The following AGAP1 variants were observed in gnomAD, a reference collection of about 807,000 sequenced individuals.
The protein encoded by AGAP1 is ArfGAP with GTPase domain, ankyrin repeat and PH domain 1, also known as arf-GAP with GTPase, ANK repeat and PH domain-containing protein 1.
In AGAP1, 29 loss-of-function variants were observed where a neutral mutation model predicts 105.3. That is an observed-to-expected ratio of 0.28 (90% confidence interval 0.21 to 0.38). The LOEUF (loss-of-function observed/expected upper bound fraction) is 0.38, where lower values mean the gene tolerates loss of function less well. Among genes scored for constraint, AGAP1 ranks in the 10% least tolerant of loss-of-function variants. The probability of loss-of-function intolerance (pLI) is 1.00; values close to 1 mark genes in which losing one functional copy is unlikely to be tolerated. For synonymous variants in AGAP1, 509 were observed against 485.9 expected (o/e 1.05, Z -0.63); for missense variants, 998 against 1,165.1 (o/e 0.86, Z 2.09).
At position 235,842,762 on chromosome 2, in the gene AGAP1, CT is replaced by C. The variant is rs1226548772; in HGVS notation, c.1050+35432del. Among the ~76,000 whole-genome samples the C allele has an allele frequency of 2.0e-5, 3 of 152,068 alleles. No individual in the cohort carries two copies. Among genetic ancestry groups the C allele is most frequent in the Non-Finnish European group, 4.4e-5 (3 of 68,008 alleles). On this transcript the variant is annotated intron_variant, in intron 9 of 17. Coordinates refer to ENST00000304032, the MANE Select transcript of AGAP1 (RefSeq NM_001037131.3). This position sits in a 1 kb window ranked among gnomAD's most constrained non-coding sequence, Gnocchi z 5.3. ...TGTTTTTTTGAGATGGAGTCTCACTCTGTCACCCAGGCCCGAGTGCAGTGGC... is the reference window on the plus strand; with the variant it reads ...TGTTTTTTTGAGATGGAGTCTCACTCGTCACCCAGGCCCGAGTGCAGTGGC...
rs182530916 is a variant in AGAP1, at chr2:235,698,801, C to T, written c.164-10378C>T. On this transcript the variant is annotated intron_variant, in intron 1 of 17. Coordinates refer to ENST00000304032, the MANE Select transcript of AGAP1 (RefSeq NM_001037131.3). ...TGTTATTGTAGCAGCTTGATGGTTGCATAATTATTCATCATACCTATCACA... is the reference window on the plus strand; with the variant it reads ...TGTTATTGTAGCAGCTTGATGGTTGTATAATTATTCATCATACCTATCACA... Among the ~76,000 whole-genome samples the T allele has an allele frequency of 2.2e-3, 335 of 152,326 alleles. 4 individuals carry two copies. The highest frequency in any genetic ancestry group is 7.5e-3 in the African/African-American group (313 of 41,584).
chr2:235,630,895 T>C (rs948272039), intron 1 of AGAP1, among the ~76,000 whole-genome samples: 1 of 152,208 alleles, frequency 6.6e-6, no homozygotes, highest in Non-Finnish European at 1.5e-5. Context: ...GTTGCGGGTC[T>C]GCATAATGTA....
rs35303117 is a variant in AGAP1 at position 236,061,881 on chromosome 2, G to GAAA, written c.2114+12612_2114+12614dup. Among the ~76,000 whole-genome samples the GAAA allele has an allele frequency of 2.5e-5, 3 of 121,370 alleles. No homozygotes were observed. Among genetic ancestry groups the GAAA allele is most frequent in the East Asian group, 2.3e-4 (1 of 4,332 alleles). 79.6% of individuals were successfully genotyped at this position (121,370 alleles called of 152,430 possible). A position where few individuals can be genotyped will look rare whatever the true frequency, so the allele number is the denominator to read the frequency against. Reference sequence around the variant, plus strand: ...ATGGTATATAAATTATGTCAATTTTGAAAAAAAAAAAAAAGGAATTTCCAA... The same window carrying GAAA: ...ATGGTATATAAATTATGTCAATTTTGAAAAAAAAAAAAAAAAAGGAATTTCCAA... On this transcript the variant is annotated intron_variant, in intron 16 of 17. Transcript: ENST00000304032. The surrounding 1 kb of genome is among the most constrained non-coding windows in gnomAD (Gnocchi z 4.1).
rs370960058 is a variant in AGAP1 at position 235,497,383 on chromosome 2, C to T, written c.163+2534C>T. On this transcript the variant is annotated intron_variant, in intron 1 of 17. Transcript: ENST00000304032. The stretch of plus-strand genomic sequence containing the variant: ...GGGCAGAGAGCTGCCCCTGCCTGTG[C>T]GTGCACCTTGGAGGTTTTAAAGTCT... Among the ~76,000 whole-genome samples the T allele has an allele frequency of 9.2e-5, 14 of 152,322 alleles. No homozygotes were observed. The East Asian group carries it at 1.6e-3, about 17-fold the overall frequency.
chr2:235,845,900 G>C lies in AGAP1; in HGVS notation c.1051-37445G>C, dbSNP rs945797001. ...CCTTCAGTCTGTAGCCCTCAGATAT[G>C]CCCTCCTTCCTGCACCCCCAGAGTG... On this transcript the variant is annotated intron_variant, in intron 9 of 17. Coordinates refer to ENST00000304032, the MANE Select transcript of AGAP1 (RefSeq NM_001037131.3). This position sits in a 1 kb window ranked among gnomAD's most constrained non-coding sequence, Gnocchi z 4.8. Among the ~76,000 whole-genome samples, 1 of 151,906 alleles carries C rather than the reference G, an allele frequency of 6.6e-6. No homozygotes were observed. Among genetic ancestry groups the C allele is most frequent in the Non-Finnish European group, 1.5e-5 (1 of 67,996 alleles).
Position 235,751,491 on chromosome 2 carries a change from C to T in AGAP1, c.673+1003C>T, listed in dbSNP as rs998274314. On this transcript the variant is annotated intron_variant, in intron 6 of 17. Coordinates refer to ENST00000304032, the MANE Select transcript of AGAP1 (RefSeq NM_001037131.3). This position sits in a 1 kb window ranked among gnomAD's most constrained non-coding sequence, Gnocchi z 5.3. ...CTTCAAGGTGATGGAGGACTCGCCGCGCTCTGACCTTGAAGACCCACGGTG... is the reference window on the plus strand; with the variant it reads ...CTTCAAGGTGATGGAGGACTCGCCGTGCTCTGACCTTGAAGACCCACGGTG... Among the ~76,000 whole-genome samples, 24 of 152,162 alleles carry T rather than the reference C, an allele frequency of 1.6e-4. No individual in the cohort carries two copies. Among genetic ancestry groups the T allele is most frequent in the African/African-American group, 3.9e-4 (16 of 41,426 alleles).
chr2:235,646,622 T>G (rs1007960100), intron 1 of AGAP1, among the ~76,000 whole-genome samples: 2 of 152,216 alleles, frequency 1.3e-5, no homozygotes, highest in Non-Finnish European at 2.9e-5. Context: ...CTTCTCTCCC[T>G]TGGGCCCCCG....
At chr2:235,780,870 G>C (rs1328459073) in intron 6 of AGAP1, among the ~76,000 whole-genome samples, 2 of 152,146 alleles carry the variant, frequency 1.3e-5, no homozygotes, top group African/African-American at 4.8e-5. Context: ...CTGCTGTGTA[G>C]CCTCTTCAAG....
At position 235,855,299 on chromosome 2, in the gene AGAP1, C is replaced by T. The variant is rs1309596697; in HGVS notation, c.1051-28046C>T. 6.6e-6 allele frequency among the ~76,000 whole-genome samples: 1 copy of T among 152,144 alleles called. No individual in the cohort carries two copies. The highest frequency in any genetic ancestry group is 2.4e-5 in the African/African-American group (1 of 41,422). On this transcript the variant is annotated intron_variant, in intron 9 of 17. Transcript: ENST00000304032. The surrounding 1 kb of genome is among the most constrained non-coding windows in gnomAD (Gnocchi z 5.0). ...CCTGGAAAATGGTTACTTTGATTTT[C>T]CAGGGAGTGAGTAGTGTGACAGGCA...
rs943475451 is a variant in AGAP1 at position 235,557,836 on chromosome 2, C to A, written c.163+62987C>A. Among the ~76,000 whole-genome samples the A allele has an allele frequency of 6.6e-6, 1 of 152,184 alleles. No individual in the cohort carries two copies. The highest frequency in any genetic ancestry group is 2.4e-5 in the African/African-American group (1 of 41,434). ...CATTTCGACAAGGGGAAGTTAGACA[C>A]TTTAGATTCACAGTTAACTGTTGAT... On this transcript the variant is annotated intron_variant, in intron 1 of 17. Transcript: ENST00000304032. This position sits in a 1 kb window ranked among gnomAD's most constrained non-coding sequence, Gnocchi z 4.7.
chr2:235,702,058 C>A (rs1347677339), intron 1 of AGAP1, among the ~76,000 whole-genome samples: 1 of 152,134 alleles, frequency 6.6e-6, no homozygotes, highest in Non-Finnish European at 1.5e-5. Flanking sequence ...CCTGCAATTT[C>A]AGGTTCCTTT....
At chr2:235,656,863 T>TA (rs1947790333) in intron 1 of AGAP1, among the ~76,000 whole-genome samples, 1 of 152,214 alleles carries the variant, frequency 6.6e-6, no homozygotes, top group African/African-American at 2.4e-5. Context: ...TCCTTTAACA[T>TA]AACAGAAAGG....
chr2:235,607,193 C>CG (rs1553580378), intron 1 of AGAP1, among the ~76,000 whole-genome samples: 3 of 152,032 alleles, frequency 2.0e-5, no homozygotes, highest in African/African-American at 4.8e-5. Context: ...AGAGCCCCCC[C>CG]TTCCCTGCCC....
At chr2:235,880,907 A>C (rs1260585927) in intron 9 of AGAP1, among the ~76,000 whole-genome samples, 1 of 152,196 alleles carries the variant, frequency 6.6e-6, no homozygotes, top group Non-Finnish European at 1.5e-5. Context: ...CCATGCAAGG[A>C]AGCCCTTATT....
chr2:235,705,231 G>A lies in AGAP1; in HGVS notation c.164-3948G>A, dbSNP rs957068890. 3.3e-5 allele frequency among the ~76,000 whole-genome samples: 5 copies of A among 151,760 alleles called. No homozygotes were observed. Among genetic ancestry groups the A allele is most frequent in the African/African-American group, 1.2e-4 (5 of 41,302 alleles). ...TGACCTCAGGTGATCTGCGCGCCTC[G>A]GCCTCCTAAAGTGTTGGGATTACAG... On this transcript the variant is annotated intron_variant, in intron 1 of 17. Transcript: ENST00000304032. The surrounding 1 kb of genome is among the most constrained non-coding windows in gnomAD (Gnocchi z 4.9).
rs1949655776 is a variant in AGAP1 at position 235,689,859 on chromosome 2, C to T, written c.164-19320C>T. 3.3e-5 allele frequency among the ~76,000 whole-genome samples: 5 copies of T among 152,234 alleles called. No individual in the cohort carries two copies. Among genetic ancestry groups the T allele is most frequent in the Admixed American group, 3.3e-4 (5 of 15,288 alleles). On this transcript the variant is annotated intron_variant, in intron 1 of 17. Coordinates refer to ENST00000304032, the MANE Select transcript of AGAP1 (RefSeq NM_001037131.3). The surrounding 1 kb of genome is among the most constrained non-coding windows in gnomAD (Gnocchi z 4.2). The stretch of plus-strand genomic sequence containing the variant: ...GAGCATCTGGGGTGGTGTCCTACAC[C>T]TCCTTTCCAGGAGTTTCTGTGTGCA...
intron 11 of AGAP1, among the ~76,000 whole-genome samples, chr2:235,925,305 T>G (rs921042486): frequency 5.8e-4 from 88 of 152,212 alleles, no homozygotes; most frequent in Non-Finnish European, 9.8e-4. Context: ...AAAGAACATT[T>G]CCAACGATGG....
At position 235,535,616 on chromosome 2, in the gene AGAP1, G is replaced by A. The variant is rs1231954093; in HGVS notation, c.163+40767G>A. On this transcript the variant is annotated intron_variant, in intron 1 of 17. Coordinates refer to ENST00000304032, the MANE Select transcript of AGAP1 (RefSeq NM_001037131.3). This position sits in a 1 kb window ranked among gnomAD's most constrained non-coding sequence, Gnocchi z 5.1. ...GGTTTCCTCAAAGACCCTGGGGGCC[G>A]GGCGGGGCTGTGCCAGGCACCCGCG... 7.9e-5 allele frequency among the ~76,000 whole-genome samples: 12 copies of A among 152,166 alleles called. No homozygotes were observed. Among genetic ancestry groups the A allele is most frequent in the African/African-American group, 2.9e-4 (12 of 41,526 alleles).
intron 11 of AGAP1, among the ~76,000 whole-genome samples, chr2:235,925,833 T>A (rs1007917771): frequency 6.6e-6 from 1 of 152,316 alleles, no homozygotes; most frequent in Non-Finnish European, 1.5e-5. Context: ...TCCTAGCTTG[T>A]CTTGATGTCA....
Sources: gnomAD v4.1 joint callset for allele counts (sites outside exome capture counted in the v4.1 genomes callset) on GRCh38, gnomAD v4.1.1 for gene constraint, Gnocchi (gnomAD v3.1) non-coding constraint, MANE v1.5 for transcripts, NCBI Gene and HGNC (gene_info 2026-07-23, HGNC 2026-07-21) for gene names.